Variants in PELI1 observed in about 807,000 individuals in gnomAD.
PELI1 encodes the protein pellino E3 ubiquitin protein ligase 1.
In PELI1, 15 loss-of-function variants were observed where a neutral mutation model predicts 41.3. The ratio of observed to expected loss-of-function variants is 0.36; its 90% CI spans 0.24 to 0.56. The LOEUF is 0.56. Among genes scored for constraint, PELI1 ranks in the 20% least tolerant of loss-of-function variants. PELI1 has a pLI of 0.82. For missense variants in PELI1, 403 were observed against 525.5 expected (o/e 0.77, Z 2.28); for synonymous variants, 178 against 180.1 (o/e 0.99, Z 0.09).
At chr2:64,126,805 G>GA (rs796658358) in intron 1 of PELI1, among the ~76,000 whole-genome samples, 99 of 142,076 alleles carry the variant, frequency 7.0e-4, no homozygotes, top group East Asian at 6.2e-3. Flanking sequence ...TTTGATAAGT[G>GA]AAAAAAAAAA....
At position 64,095,208 on chromosome 2, in the gene PELI1, A is replaced by G. The variant is rs757233932; in HGVS notation, c.751T>C (p.Leu251=). ...AGGCCTTCTGCAGTACGCCATAACA[A>G]TGTTGCACCACAGAGGTCAATTAAC... ...GSLIDLCGAT[L]LWRTAEGLSH... is the part of the protein sequence containing the mutation. Residue 251 remains leucine, a synonymous_variant, in exon 7 of 7, where the codon TTG becomes CTG. Coordinates refer to ENST00000358912, the MANE Select transcript of PELI1 (RefSeq NM_020651.4). 8.7e-6 allele frequency: 14 copies of G among 1,613,998 alleles called. No homozygotes were observed. The African/African-American group carries it at 1.9e-4, about 22-fold the overall frequency.
chr2:64,101,571 A>G (rs187880694), intron 3 of PELI1, among the ~76,000 whole-genome samples: 119 of 152,324 alleles, frequency 7.8e-4, no homozygotes, highest in African/African-American at 2.6e-3. Context: ...GACACAAAGA[A>G]GAGAATAATT....
At chr2:64,116,540 C>T (rs1466448515) in intron 1 of PELI1, among the ~76,000 whole-genome samples, 3 of 152,222 alleles carry the variant, frequency 2.0e-5, no homozygotes, top group African/African-American at 7.2e-5. Context: ...ATGGCTAACA[C>T]TGAATTCAGT....
chr2:64,124,432 C>T (rs1210004034), intron 1 of PELI1, among the ~76,000 whole-genome samples: 1 of 152,112 alleles, frequency 6.6e-6, no homozygotes. Flanking sequence ...AATATATTAC[C>T]GATCTTATGC....
intron 1 of PELI1, among the ~76,000 whole-genome samples, chr2:64,116,751 C>T (rs1417533880): frequency 6.6e-6 from 1 of 152,130 alleles, no homozygotes; most frequent in African/African-American, 2.4e-5. Flanking sequence ...TTGCACTTTG[C>T]TTTATTTTAC....
rs772792309 is a variant in PELI1 at position 64,108,212 on chromosome 2, T to C, written c.71+28A>G. On this transcript the variant is annotated intron_variant, in intron 2 of 6. Transcript: ENST00000358912. The stretch of plus-strand genomic sequence containing the variant: ...AAAGTTAGCATATATTATTAAACTG[T>C]GTGTGTCATCAAATGGAGAAACCTT... The C allele has an allele frequency of 3.1e-5, 40 of 1,290,402 alleles. No individual in the cohort carries two copies. In the East Asian group the frequency reaches 4.4e-4, roughly 14 times the overall value. The allele number at this position is 1,290,402 out of a possible 1,614,324, so 79.9% of individuals were successfully genotyped here.
intron 1 of PELI1, among the ~76,000 whole-genome samples, chr2:64,135,317 A>G (rs1367790771): frequency 6.6e-6 from 1 of 152,108 alleles, no homozygotes; most frequent in Non-Finnish European, 1.5e-5. Flanking sequence ...TTAAAAAAGT[A>G]TTGCATCCTA....
rs1385828719 is a variant in PELI1, at chr2:64,093,071, C to G, written c.*1631G>C. The G allele has an allele frequency of 6.6e-6, 1 of 152,620 alleles. No individual in the cohort carries two copies. The highest frequency in any genetic ancestry group is 1.5e-5 in the Non-Finnish European group (1 of 68,032). 9.5% of individuals were successfully genotyped at this position (152,620 alleles called of 1,614,324 possible). On this transcript the variant is annotated 3_prime_UTR_variant, in exon 7 of 7. Coordinates refer to ENST00000358912, the MANE Select transcript of PELI1 (RefSeq NM_020651.4). ...AACAGCAGTTACTGATACATCACAA[C>G]TAATAAACTTATAATACAAGTTTCC... is the stretch of plus-strand genomic sequence containing the variant.
At chr2:64,115,626 A>C (rs1446992912) in intron 1 of PELI1, among the ~76,000 whole-genome samples, 2 of 152,100 alleles carry the variant, frequency 1.3e-5, no homozygotes. Context: ...TACCCCATTT[A>C]ATTTCTATTA....
At chr2:64,134,933 G>GA (rs1392909152) in intron 1 of PELI1, among the ~76,000 whole-genome samples, 1 of 152,120 alleles carries the variant, frequency 6.6e-6, no homozygotes, top group East Asian at 1.9e-4. Context: ...TGAGTTACTA[G>GA]AAAAATATCA....
chr2:64,107,798 C>A (rs1295783642), intron 2 of PELI1, among the ~76,000 whole-genome samples: 1 of 152,074 alleles, frequency 6.6e-6, no homozygotes, highest in Non-Finnish European at 1.5e-5. Flanking sequence ...CTGCCTCAAT[C>A]TCCCAAGTAA....
In PELI1 at chr2:64,096,402, A is replaced by C. The variant is rs377266932; in HGVS notation, c.501+11T>G. ...TAAAAGAAAGCATCATTTAGAAAAA[A>C]AGCTTTTTACCCCAAGAAAGATGTT... On this transcript the variant is annotated intron_variant, in intron 5 of 6. Coordinates refer to ENST00000358912, the MANE Select transcript of PELI1 (RefSeq NM_020651.4). 2.7e-5 allele frequency: 43 copies of C among 1,603,188 alleles called. No individual in the cohort carries two copies. In the African/African-American group the frequency reaches 4.8e-4, roughly 18 times the overall value.
At chr2:64,119,415 A>C (rs1681130435) in intron 1 of PELI1, among the ~76,000 whole-genome samples, 1 of 152,214 alleles carries the variant, frequency 6.6e-6, no homozygotes, top group African/African-American at 2.4e-5. Flanking sequence ...CTATACAGAA[A>C]ACCTTCTCAC....
At chr2:64,115,135 G>C (rs746878997) in intron 1 of PELI1, among the ~76,000 whole-genome samples, 5 of 152,156 alleles carry the variant, frequency 3.3e-5, no homozygotes, top group Non-Finnish European at 5.9e-5. Context: ...TAATGTTTCT[G>C]TACATTTAAA....
At chr2:64,125,852 T>C (rs1407651991) in intron 1 of PELI1, among the ~76,000 whole-genome samples, 1 of 152,226 alleles carries the variant, frequency 6.6e-6, no homozygotes, top group Non-Finnish European at 1.5e-5. Context: ...CACATGTAAG[T>C]ACTTAACACA....
intron 1 of PELI1, among the ~76,000 whole-genome samples, chr2:64,112,831 C>CT (rs547120334): frequency 8.2e-4 from 123 of 149,382 alleles, no homozygotes; most frequent in African/African-American, 2.6e-3. Context: ...CTTCCTGGAA[C>CT]TTTTTTTTTT....
chr2:64,124,110 G>A (rs1681310578), intron 1 of PELI1, among the ~76,000 whole-genome samples: 2 of 152,122 alleles, frequency 1.3e-5, no homozygotes, highest in Admixed American at 6.5e-5. Flanking sequence ...CAGAAAGAAA[G>A]TAGATTAGTG....
chr2:64,108,346 G>A lies in PELI1; in HGVS notation c.-36C>T. ...GTCTTTCTCAAATCTTTGTTCACTGGTCAGGAGCCTTGGGACACCTTTTGC... is the reference window on the plus strand; with the variant it reads ...GTCTTTCTCAAATCTTTGTTCACTGATCAGGAGCCTTGGGACACCTTTTGC... On this transcript the variant is annotated 5_prime_UTR_variant, in exon 2 of 7. Transcript: ENST00000358912. 2 of 1,321,064 alleles carry A rather than the reference G, an allele frequency of 1.5e-6. No individual in the cohort carries two copies. The highest frequency in any genetic ancestry group is 2.2e-6 in the Non-Finnish European group (2 of 914,962). The allele number at this position is 1,321,064 out of a possible 1,614,324, so 81.8% of individuals were successfully genotyped here. A position where few individuals can be genotyped will look rare whatever the true frequency, so the allele number is the denominator to read the frequency against.
chr2:64,137,270 A>C (rs1681746576), intron 1 of PELI1, among the ~76,000 whole-genome samples: 1 of 152,236 alleles, frequency 6.6e-6, no homozygotes, highest in South Asian at 2.1e-4. Flanking sequence ...TGAAGCATGA[A>C]TATAAGAAGA....
Sources: allele counts gnomAD v4.1 joint callset (sites outside exome capture counted in the v4.1 genomes callset), GRCh38; gene constraint gnomAD v4.1.1; transcripts MANE v1.5; gene names NCBI Gene and HGNC (gene_info 2026-07-23, HGNC 2026-07-21).